Variants in GALNT11 observed in about 807,000 individuals in gnomAD.
GALNT11 encodes the protein polypeptide N-acetylgalactosaminyltransferase 11.
Under a neutral mutation model 72.7 loss-of-function variants are expected in GALNT11, and 47 were observed. That is an observed-to-expected ratio of 0.65 (90% CI 0.51 to 0.82). The LOEUF (loss-of-function observed/expected upper bound fraction) is 0.82, where lower values mean the gene tolerates loss of function less well. Ranked by LOEUF, GALNT11 falls within the 40% of genes least tolerant of loss-of-function variation. The pLI, the probability that GALNT11 is intolerant of heterozygous loss-of-function variation, is 0.00. For synonymous variants in GALNT11, 270 were observed against 286.6 expected, an observed-to-expected ratio of 0.94 and a Z score of 0.58; for missense variants, 677 against 778.4, an observed-to-expected ratio of 0.87 and a Z score of 1.55.
In GALNT11 at chr7:152,094,399, C is replaced by T. The variant is rs376105658; in HGVS notation, c.172C>T (p.Arg58Cys). The T allele has an allele frequency of 6.2e-6, 10 of 1,614,146 alleles. No homozygotes were observed. The highest frequency in any genetic ancestry group is 4.4e-5 in the South Asian group (4 of 91,082). ...ACCATCTCCAAAAAAATTCTATCCCCGTTTCACTCGAGGCCCAAGTCGAGT... is the reference window on the plus strand; with the variant it reads ...ACCATCTCCAAAAAAATTCTATCCCTGTTTCACTCGAGGCCCAAGTCGAGT... ...HGPSPKKFYP[R>C]FTRGPSRVLE... Residue 58 changes from arginine to cysteine, a missense_variant, in exon 2 of 12, where the codon CGT becomes TGT. Arg to Cys is a radical substitution (Grantham distance 180). Coordinates refer to ENST00000430044, the MANE Select transcript of GALNT11 (RefSeq NM_022087.4). This position sits in a 1 kb window ranked among gnomAD's most constrained non-coding sequence, Gnocchi z 4.3.
At chr7:152,120,772 A>C (rs1394790110) in intron 10 of GALNT11, 59 bp from the exon 11 acceptor site, 27 of 1,393,792 alleles carry the variant, frequency 1.9e-5, no homozygotes, top group Non-Finnish European at 2.7e-5. Flanking sequence ...AAGAATATGC[A>C]AAGTGTTGTT....
intron 1 of GALNT11, among the ~76,000 whole-genome samples, chr7:152,028,449 C>T (rs1156422686): frequency 6.6e-6 from 1 of 152,088 alleles, no homozygotes; most frequent in Non-Finnish European, 1.5e-5. Context: ...AAGTCTGCTA[C>T]CCAGTTAGCT....
At chr7:152,061,196 G>GT (rs1358734642) in intron 1 of GALNT11, among the ~76,000 whole-genome samples, 2 of 152,122 alleles carry the variant, frequency 1.3e-5, no homozygotes, top group African/African-American at 2.4e-5. Flanking sequence ...TCTCATTGTG[G>GT]TTTTGATTTG....
At chr7:152,049,779 C>T (rs2083303417) in intron 1 of GALNT11, among the ~76,000 whole-genome samples, 1 of 152,156 alleles carries the variant, frequency 6.6e-6, no homozygotes, top group Admixed American at 6.5e-5. Flanking sequence ...GAGTTGGAAA[C>T]CTTAGGAATC....
At chr7:152,046,682 C>T (rs990144705) in intron 1 of GALNT11, among the ~76,000 whole-genome samples, 1 of 151,952 alleles carries the variant, frequency 6.6e-6, no homozygotes, top group Non-Finnish European at 1.5e-5. Flanking sequence ...GTCTGTGTGT[C>T]TTTATAGGTT....
At position 152,069,298 on chromosome 7, in the gene GALNT11, T is replaced by C. The variant is rs555909898; in HGVS notation, c.-38-24892T>C. Among the ~76,000 whole-genome samples, 17 of 152,372 alleles carry C rather than the reference T, an allele frequency of 1.1e-4. No homozygotes were observed. The South Asian group carries it at 3.5e-3, about 32-fold the overall frequency. On this transcript the variant is annotated intron_variant, in intron 1 of 11. Transcript: ENST00000430044. ...ATGTTATTTGAGACCATGTTTTGTATGCTTTCTAGTCTTGAATCTGTTAAG... is the reference window on the plus strand; with the variant it reads ...ATGTTATTTGAGACCATGTTTTGTACGCTTTCTAGTCTTGAATCTGTTAAG...
At chr7:152,030,672 C>T (rs2151980221) in intron 1 of GALNT11, among the ~76,000 whole-genome samples, 1 of 152,266 alleles carries the variant, frequency 6.6e-6, no homozygotes, top group South Asian at 2.1e-4. Flanking sequence ...CTGAGTCCCT[C>T]TTTGTCTGTC....
chr7:152,058,571 A>T (rs2083823175), intron 1 of GALNT11, among the ~76,000 whole-genome samples: 1 of 152,016 alleles, frequency 6.6e-6, no homozygotes, highest in Non-Finnish European at 1.5e-5. Context: ...CCTGACCTCA[A>T]ATGATCCGCC....
chr7:152,118,916 G>A (rs1272246190), intron 10 of GALNT11, 134 bp downstream of exon 10: 5 of 612,162 alleles, frequency 8.2e-6, no homozygotes, highest in Admixed American at 3.9e-5. Flanking sequence ...GTGTAGTGTT[G>A]CGTTATTGGA....
intron 1 of GALNT11, among the ~76,000 whole-genome samples, chr7:152,081,624 A>T (rs1308399034): frequency 6.6e-6 from 1 of 152,194 alleles, no homozygotes; most frequent in African/African-American, 2.4e-5. Context: ...CCTGGATTGC[A>T]TAGTAGTGTA....
intron 5 of GALNT11, among the ~76,000 whole-genome samples, chr7:152,105,647 T>A (rs2087458815): frequency 6.6e-6 from 1 of 152,224 alleles, no homozygotes; most frequent in Admixed American, 6.5e-5. Context: ...ATATATTTTA[T>A]ATCTTATTCA....
At chr7:152,036,683 G>C (rs1271519376) in intron 1 of GALNT11, among the ~76,000 whole-genome samples, 1 of 152,180 alleles carries the variant, frequency 6.6e-6, no homozygotes, top group Non-Finnish European at 1.5e-5. Flanking sequence ...CATAGTGCTT[G>C]TACTAATTTA....
In GALNT11 at chr7:152,077,270, G is replaced by A. The variant is rs28736627; in HGVS notation, c.-38-16920G>A. Among the ~76,000 whole-genome samples the A allele has an allele frequency of 7.5e-3, 1,138 of 152,298 alleles. 16 individuals are homozygous for A. The highest frequency in any genetic ancestry group is 0.026 in the African/African-American group (1,098 of 41,568). On this transcript the variant is annotated intron_variant, in intron 1 of 11. Transcript: ENST00000430044. ...TGATACTTTTCTGAAAAGCATCAAG[G>A]AATTTACAACATAGTAAAGAATTAC...
In GALNT11 at chr7:152,105,256, G is replaced by A. The variant is rs773438149; in HGVS notation, c.598G>A (p.Gly200Arg). Residue 200 changes from glycine to arginine, a missense_variant, in exon 5 of 12, where the codon GGA (glycine) becomes AGA (arginine). By Grantham distance (125) the Gly-to-Arg change is moderately radical (BLOSUM62 -2). Transcript: ENST00000430044. ...DDDSDFDDLK[G>R]ELDEYVQKYL... Reference sequence around the variant, plus strand: ...GACTTTATTTTCAGATGATTTGAAAGGAGAACTAGATGAATATGTCCAAAA... The same window carrying A: ...GACTTTATTTTCAGATGATTTGAAAAGAGAACTAGATGAATATGTCCAAAA... 9 of 1,613,266 alleles carry A rather than the reference G, an allele frequency of 5.6e-6. No homozygotes were observed. In the Admixed American group the frequency reaches 1.0e-4, roughly 18 times the overall value.
chr7:152,026,474 C>T (rs2082020309), intron 1 of GALNT11, among the ~76,000 whole-genome samples: 1 of 152,210 alleles, frequency 6.6e-6, no homozygotes, highest in Non-Finnish European at 1.5e-5. Flanking sequence ...TACCCTGAAA[C>T]AGTTGTGTGG....
intron 8 of GALNT11, among the ~76,000 whole-genome samples, chr7:152,113,919 G>GTT (rs36104315): frequency 6.9e-6 from 1 of 144,998 alleles, no homozygotes; most frequent in Non-Finnish European, 1.5e-5. Context: ...TTTAAAAAGT[G>GTT]TTTTTTTTTT....
chr7:152,054,248 CTTGGAAAGAG>C (rs937978478), intron 1 of GALNT11, among the ~76,000 whole-genome samples: 61 of 151,910 alleles, frequency 4.0e-4, no homozygotes, highest in African/African-American at 1.4e-3. Context: ...TTTTTAGAAA[CTTGGAAAGAG>C]TTGGTAAAAA....
At chr7:152,116,806 C>T in intron 8 of GALNT11, 1 of 438,008 alleles carries the variant, frequency 2.3e-6, no homozygotes. Flanking sequence ...TCACTGTTCT[C>T]ACTACATTTT....
intron 1 of GALNT11, among the ~76,000 whole-genome samples, chr7:152,060,511 A>G (rs879569187): frequency 2.0e-5 from 3 of 152,014 alleles, no homozygotes; most frequent in Admixed American, 2.0e-4. Flanking sequence ...TTTCTAGGGT[A>G]CATGTGCACA....
Sources: allele counts gnomAD v4.1 joint callset (sites outside exome capture counted in the v4.1 genomes callset), GRCh38; gene constraint gnomAD v4.1.1; non-coding constraint Gnocchi (gnomAD v3.1); transcripts MANE v1.5; gene names NCBI Gene and HGNC (gene_info 2026-07-23, HGNC 2026-07-21).